The following RPIA variants were observed in gnomAD, a reference collection of about 807,000 sequenced individuals.
RPIA encodes the protein ribose-5-phosphate isomerase.
RPIA carries 29 observed loss-of-function variants against 37.8 expected under a neutral mutation model. The ratio of observed to expected loss-of-function variants is 0.77; its 90% CI spans 0.57 to 1.05. The LOEUF is 1.05. Among genes scored for constraint, RPIA ranks in the 50% least tolerant of loss-of-function variants. RPIA has a pLI of 0.00. For synonymous variants in RPIA, 167 were observed against 157.0 expected, an observed-to-expected ratio of 1.06 and a Z score of -0.48; for missense variants, 385 against 413.6, an observed-to-expected ratio of 0.93 and a Z score of 0.60.
intron 8 of RPIA, among the ~76,000 whole-genome samples, chr2:88,738,453 A>G (rs1220547968): frequency 6.6e-6 from 1 of 152,176 alleles, no homozygotes; most frequent in African/African-American, 2.4e-5. Context: ...AGCGGGGAAA[A>G]TGACTCAGTT....
intron 8 of RPIA, among the ~76,000 whole-genome samples, chr2:88,748,698 CT>C (rs1319082717): frequency 6.6e-6 from 1 of 152,086 alleles, no homozygotes; most frequent in Admixed American, 6.6e-5. Flanking sequence ...CTATTCTACT[CT>C]TTTAGTTTTT....
At chr2:88,724,901 A>G (rs1673177756) in intron 3 of RPIA, among the ~76,000 whole-genome samples, 1 of 152,220 alleles carries the variant, frequency 6.6e-6, no homozygotes, top group Admixed American at 6.5e-5. Context: ...TGTAAGCACC[A>G]TAAAACCTGA....
At chr2:88,729,497 G>A (rs1427400300) in intron 4 of RPIA, among the ~76,000 whole-genome samples, 160 bp downstream of exon 4, 1 of 152,162 alleles carries the variant, frequency 6.6e-6, no homozygotes, top group Non-Finnish European at 1.5e-5. Context: ...TTTTGGCTGA[G>A]GTCACAAGTG....
chr2:88,716,345 T>G (rs1345780029), intron 3 of RPIA, among the ~76,000 whole-genome samples: 1 of 152,194 alleles, frequency 6.6e-6, no homozygotes, highest in Non-Finnish European at 1.5e-5. Context: ...AAAAGCAAGC[T>G]GTACCCCAAC....
At chr2:88,718,198 T>A (rs1049953243) in intron 3 of RPIA, among the ~76,000 whole-genome samples, 4 of 152,210 alleles carry the variant, frequency 2.6e-5, no homozygotes, top group African/African-American at 9.6e-5. Context: ...TAGGCAAGAC[T>A]AGAATCTAAC....
intron 4 of RPIA, among the ~76,000 whole-genome samples, chr2:88,732,759 A>AAAAAAAAAAAAAT (rs1558698018): frequency 8.4e-5 from 1 of 11,842 alleles, no homozygotes; most frequent in East Asian, 8.4e-4. Context: ...AAAAAAAAAA[A>AAAAAAAAAAAAAT]AAAAAAGAAA....
intron 8 of RPIA, among the ~76,000 whole-genome samples, chr2:88,744,307 A>G (rs1456676651): frequency 2.0e-5 from 3 of 152,198 alleles, no homozygotes; most frequent in African/African-American, 7.2e-5. Flanking sequence ...ATGTATTTGT[A>G]TAGTTTTGAG....
chr2:88,696,864 GC>G (rs932553538), intron 1 of RPIA, among the ~76,000 whole-genome samples: 3 of 152,186 alleles, frequency 2.0e-5, no homozygotes, highest in Non-Finnish European at 4.4e-5. Flanking sequence ...TGAGGGTGGA[GC>G]CCTCTGACCT....
chr2:88,723,198 A>C (rs1673155762), intron 3 of RPIA, among the ~76,000 whole-genome samples: 1 of 152,228 alleles, frequency 6.6e-6, no homozygotes, highest in Non-Finnish European at 1.5e-5. Context: ...TCTAATGGTA[A>C]GGAGAGATTA....
intron 3 of RPIA, among the ~76,000 whole-genome samples, chr2:88,706,263 A>G (rs1672895652): frequency 6.6e-6 from 1 of 152,204 alleles, no homozygotes; most frequent in South Asian, 2.1e-4. Flanking sequence ...ATGTATGTTC[A>G]TTGCAGCACT....
At chr2:88,719,972 C>G (rs1393832085) in intron 3 of RPIA, among the ~76,000 whole-genome samples, 1 of 152,134 alleles carries the variant, frequency 6.6e-6, no homozygotes, top group Admixed American at 6.6e-5. Flanking sequence ...TACAATCTCA[C>G]ACACCCACCT....
intron 8 of RPIA, among the ~76,000 whole-genome samples, chr2:88,748,917 T>C (rs777654739): frequency 1.6e-4 from 25 of 152,164 alleles, no homozygotes; most frequent in Admixed American, 3.9e-4. Flanking sequence ...CTATGTTATG[T>C]TTCCCAGGCT....
chr2:88,709,495 G>A (rs1672937010), intron 3 of RPIA, among the ~76,000 whole-genome samples: 1 of 152,228 alleles, frequency 6.6e-6, no homozygotes, highest in Admixed American at 6.5e-5. Flanking sequence ...TGAGCCAATT[G>A]TGGGTGACTG....
chr2:88,698,229 G>A (rs529597148), intron 1 of RPIA, among the ~76,000 whole-genome samples: 129 of 152,232 alleles, frequency 8.5e-4, no homozygotes, highest in Non-Finnish European at 1.7e-3. Context: ...AGAATGTAGG[G>A]AGGAAGCGGT....
At chr2:88,746,901 G>A (rs566476961) in intron 8 of RPIA, among the ~76,000 whole-genome samples, 2 of 152,262 alleles carry the variant, frequency 1.3e-5, no homozygotes, top group African/African-American at 4.8e-5. Flanking sequence ...GCGAGGAGGT[G>A]GTGCTTTCAA....
chr2:88,708,634 G>T (rs1672924822), intron 3 of RPIA, among the ~76,000 whole-genome samples: 2 of 152,090 alleles, frequency 1.3e-5, no homozygotes, highest in African/African-American at 2.4e-5. Flanking sequence ...AGGTTGACTT[G>T]TAATTGTCTC....
intron 3 of RPIA, among the ~76,000 whole-genome samples, chr2:88,713,887 G>A (rs1207224777): frequency 6.7e-6 from 1 of 149,352 alleles, no homozygotes; most frequent in African/African-American, 2.5e-5. Flanking sequence ...TTCGTAGTAG[G>A]ATCTTGTTCT....
intron 3 of RPIA, among the ~76,000 whole-genome samples, chr2:88,726,939 A>G (rs1673204181): frequency 6.6e-6 from 1 of 152,110 alleles, no homozygotes; most frequent in South Asian, 2.1e-4. Flanking sequence ...GGGTTTCACC[A>G]TGTTGGTCAG....
At chr2:88,740,284 C>CA (rs1287733254) in intron 8 of RPIA, among the ~76,000 whole-genome samples, 4 of 151,576 alleles carry the variant, frequency 2.6e-5, no homozygotes, top group Non-Finnish European at 5.9e-5. Context: ...TGTGATTCTT[C>CA]AAAAAAAAGT....
Sources: gnomAD v4.1 joint callset for allele counts (sites outside exome capture counted in the v4.1 genomes callset) on GRCh38, gnomAD v4.1.1 for gene constraint, MANE v1.5 for transcripts, NCBI Gene and HGNC (gene_info 2026-07-23, HGNC 2026-07-21) for gene names.